The following SRPX2 variants were observed in gnomAD, a reference collection of about 807,000 sequenced individuals.
SRPX2 encodes the protein sushi repeat-containing protein SRPX2.
In SRPX2, 26 loss-of-function variants were observed where a neutral mutation model predicts 45.3. That is an observed-to-expected ratio of 0.57 (90% CI 0.42 to 0.80). SRPX2 has a LOEUF of 0.80. SRPX2 is among the 30% of genes least tolerant of loss of function. The probability of loss-of-function intolerance (pLI) is 0.00; values close to 1 mark genes in which losing one functional copy is unlikely to be tolerated. For missense variants in SRPX2, 355 were observed against 399.8 expected (o/e 0.89, Z 0.95); for synonymous variants, 125 against 143.7 (o/e 0.87, Z 0.93).
rs2083234961 is a variant in SRPX2, at chrX:100,673,037, A to G, written c.*2050A>G. The G allele has an allele frequency of 8.9e-6, 1 of 112,503 alleles. No homozygotes were observed. The highest frequency in any genetic ancestry group is 3.2e-5 in the African/African-American group (1 of 30,893). 9.3% of individuals were successfully genotyped at this position (112,503 alleles called of 1,213,427 possible). A position where few individuals can be genotyped will look rare whatever the true frequency, so the allele number is the denominator to read the frequency against. ...GGGAAATATGGGAACTGTGAGAGGCAGCAGGCAAGTTATGGGCAGAGGCAG... is the reference window on the plus strand; with the variant it reads ...GGGAAATATGGGAACTGTGAGAGGCGGCAGGCAAGTTATGGGCAGAGGCAG... On this transcript the variant is annotated 3_prime_UTR_variant, in exon 11 of 11. Coordinates refer to ENST00000373004, the MANE Select transcript of SRPX2 (RefSeq NM_014467.3).
At chrX:100,669,121 C>A in intron 9 of SRPX2, 127 bp from the exon 10 acceptor site, 1 of 907,033 alleles carries the variant, frequency 1.1e-6, no homozygotes, top group Non-Finnish European at 1.6e-6. Context: ...AGTGTGATTG[C>A]GTGATCATTG....
chrX:100,669,396 G>T, intron 10 of SRPX2, 27 bp downstream of exon 10: 1 of 1,004,438 alleles, frequency 1.0e-6, no homozygotes, highest in African/African-American at 1.9e-5. Context: ...TGCCAAACTT[G>T]GGGGGAGGGG....
rs924167859 is a variant in SRPX2, at chrX:100,673,050, T to C, written c.*2063T>C. The stretch of plus-strand genomic sequence containing the variant: ...ACTGTGAGAGGCAGCAGGCAAGTTA[T>C]GGGCAGAGGCAGATACAATGAGTTC... On this transcript the variant is annotated 3_prime_UTR_variant, in exon 11 of 11. Coordinates refer to ENST00000373004, the MANE Select transcript of SRPX2 (RefSeq NM_014467.3). The C allele has an allele frequency of 1.5e-4, 17 of 112,307 alleles. No individual in the cohort carries two copies. The highest frequency in any genetic ancestry group is 5.5e-4 in the African/African-American group (17 of 30,895). The allele number at this position is 112,307 out of a possible 1,213,427, so 9.3% of individuals were successfully genotyped here.
intron 1 of SRPX2, among the ~76,000 whole-genome samples, chrX:100,644,737 G>T (rs2147637221): frequency 9.0e-6 from 1 of 111,417 alleles, no homozygotes; most frequent in Admixed American, 9.5e-5. Context: ...TGGGATGGTT[G>T]ACTCTGGTGA....
intron 3 of SRPX2, among the ~76,000 whole-genome samples, chrX:100,659,589 G>A (rs1174114513): frequency 9.0e-6 from 1 of 111,208 alleles, no homozygotes; most frequent in Admixed American, 9.5e-5. Context: ...AAGACTTTCT[G>A]TAATTTGGAG....
At chrX:100,665,449 C>T (rs750691135) in intron 6 of SRPX2, 80 bp downstream of exon 6, 4 of 1,205,497 alleles carry the variant, frequency 3.3e-6, no homozygotes, top group Non-Finnish European at 4.5e-6. Context: ...TGAAACTGCA[C>T]AGGCTAAGGT....
chrX:100,651,644 TGGTGGCATGTGCCTATAA>T (rs1418080681), intron 3 of SRPX2, among the ~76,000 whole-genome samples: 3 of 109,569 alleles, frequency 2.7e-5, no homozygotes, highest in Non-Finnish European at 5.7e-5. Flanking sequence ...TAGCCAGGCA[TGGTGGCATGTGCCTATAA>T]TCCCAGCTAC....
At chrX:100,669,194 C>T (rs975658806) in intron 9 of SRPX2, 54 bp from the exon 10 acceptor site, 49 of 1,205,849 alleles carry the variant, frequency 4.1e-5, no homozygotes, top group Non-Finnish European at 4.9e-5. Flanking sequence ...AGCCAAGTAG[C>T]CTTAGGTTTG....
intron 3 of SRPX2, among the ~76,000 whole-genome samples, chrX:100,651,788 C>A (rs867117928): frequency 7.8e-3 from 458 of 58,851 alleles, no homozygotes; most frequent in Middle Eastern, 0.011. Context: ...GGCTCTGTCT[C>A]AAAAAAAAAA....
chrX:100,662,155 G>A (rs748343779), intron 3 of SRPX2, 21 bp from the exon 4 acceptor site: 1 of 1,204,026 alleles, frequency 8.3e-7, no homozygotes, highest in Non-Finnish European at 1.1e-6. Flanking sequence ...CTTCTAGCTT[G>A]CCTTTCTTCT....
At chrX:100,665,428 G>C (rs2083201471) in intron 6 of SRPX2, 59 bp downstream of exon 6, 4 of 1,204,203 alleles carry the variant, frequency 3.3e-6, no homozygotes, top group East Asian at 3.0e-5. Context: ...AGTCATTCAG[G>C]CTGGTCACAT....
chrX:100,665,728 CCT>C, intron 7 of SRPX2, 71 bp downstream of exon 7: 1 of 1,182,916 alleles, frequency 8.5e-7, no homozygotes, highest in Non-Finnish European at 1.1e-6. Context: ...CCATGTCTCT[CCT>C]CTCTATGCCT....
chrX:100,670,998 G>A lies in SRPX2; in HGVS notation c.*11G>A. 2 of 1,203,315 alleles carry A rather than the reference G, an allele frequency of 1.7e-6. No homozygotes were observed. Among genetic ancestry groups the A allele is most frequent in the Non-Finnish European group, 2.2e-6 (2 of 890,674 alleles). On this transcript the variant is annotated 3_prime_UTR_variant, in exon 11 of 11. Transcript: ENST00000373004. ...GACATATGCGAGTGAACTTGAGCCA[G>A]GGCATGGTTAAAGTCAAGGGAAAAG...
At chrX:100,661,701 C>A (rs979820118) in intron 3 of SRPX2, among the ~76,000 whole-genome samples, 1 of 112,029 alleles carries the variant, frequency 8.9e-6, no homozygotes, top group Non-Finnish European at 1.9e-5. Flanking sequence ...ACGTGGGAGG[C>A]GGAGCTTGCA....
rs1317912625 is a variant in SRPX2, at chrX:100,673,283, T to C, written c.*2296T>C. On this transcript the variant is annotated 3_prime_UTR_variant, in exon 11 of 11. Transcript: ENST00000373004. ...GGACCTGACTCAAGGAACATTTATA[T>C]GCAACTGAGGAGCTTTTGTTTCATT... The C allele has an allele frequency of 1.8e-5, 2 of 112,565 alleles. No homozygotes were observed. Among genetic ancestry groups the C allele is most frequent in the Admixed American group, 1.9e-4 (2 of 10,678 alleles). The allele number at this position is 112,565 out of a possible 1,213,427, so 9.3% of individuals were successfully genotyped here.
At chrX:100,657,033 T>G (rs2147644184) in intron 3 of SRPX2, among the ~76,000 whole-genome samples, 1 of 110,447 alleles carries the variant, frequency 9.1e-6, no homozygotes, top group Admixed American at 9.6e-5. Flanking sequence ...GTTCAAGCGA[T>G]TCTCCTGCCT....
At chrX:100,666,721 C>T in intron 7 of SRPX2, 33 bp from the exon 8 acceptor site, 1 of 1,211,112 alleles carries the variant, frequency 8.3e-7, no homozygotes, top group Non-Finnish European at 1.1e-6. Flanking sequence ...ATAAGAAACA[C>T]CATAACTTCT....
At chrX:100,665,473 T>C (rs1049391975) in intron 6 of SRPX2, 63 bp from the exon 7 acceptor site, 1 of 1,208,461 alleles carries the variant, frequency 8.3e-7, no homozygotes. Flanking sequence ...AGTGGGGATG[T>C]GCCTCAGACT....
chrX:100,648,353 C>T (rs1262470442), intron 2 of SRPX2, among the ~76,000 whole-genome samples: 1 of 111,395 alleles, frequency 9.0e-6, no homozygotes, highest in Admixed American at 9.5e-5. Flanking sequence ...GCTTAGAGGG[C>T]CTGACTGTAC....
Sources: allele counts gnomAD v4.1 joint callset (sites outside exome capture counted in the v4.1 genomes callset), GRCh38; gene constraint gnomAD v4.1.1; transcripts MANE v1.5; gene names NCBI Gene and HGNC (gene_info 2026-07-23, HGNC 2026-07-21).